Variants in PRH1 observed in about 807,000 individuals in gnomAD.
PRH1 encodes the protein proline rich protein HaeIII subfamily 1, also known as salivary acidic proline-rich phosphoprotein 1/2.
In PRH1, 7 loss-of-function variants were observed where a neutral mutation model predicts 7.9. That is an observed-to-expected ratio of 0.89 (90% CI 0.50 to 1.67). The LOEUF (loss-of-function observed/expected upper bound fraction) is 1.67, where lower values mean the gene tolerates loss of function less well. Ranked by LOEUF, PRH1 falls within the 40% of genes most tolerant of loss-of-function variation. PRH1 has a pLI of 0.00. For synonymous variants in PRH1, 45 were observed against 80.8 expected, an observed-to-expected ratio of 0.56 and a Z score of 2.38; for missense variants, 109 against 223.6, an observed-to-expected ratio of 0.49 and a Z score of 3.27.
intron 2 of PRH1, chr12:10,939,276 G>T: frequency 2.3e-6 from 2 of 875,278 alleles, no homozygotes; most frequent in Non-Finnish European, 3.5e-6. Flanking sequence ...CATCTAAAAT[G>T]CTATGTATAT....
intron 1 of PRH1, among the ~76,000 whole-genome samples, chr12:11,011,293 C>T (rs1328382436): frequency 6.6e-6 from 1 of 152,018 alleles, no homozygotes; most frequent in South Asian, 2.1e-4. Flanking sequence ...TTTCCTTTTA[C>T]ATTCTCTGAC....
At chr12:11,041,288 C>CAAAAAAAAAAAAAA (rs67144212) in intron 1 of PRH1, among the ~76,000 whole-genome samples, 1 of 81,388 alleles carries the variant, frequency 1.2e-5, no homozygotes, top group Non-Finnish European at 2.3e-5. Context: ...CAATGCAAAC[C>CAAAAAAAAAAAAAA]AAAAAAAAAA....
chr12:10,927,806 A>C (rs1160548598), intron 2 of PRH1, among the ~76,000 whole-genome samples: 1 of 152,190 alleles, frequency 6.6e-6, no homozygotes, highest in Non-Finnish European at 1.5e-5. Context: ...AAAAGTGAAA[A>C]ATTACACAAG....
chr12:10,924,113 G>A (rs149402651), intron 2 of PRH1, among the ~76,000 whole-genome samples: 2,282 of 138,292 alleles, frequency 0.017, 19 homozygotes, highest in South Asian at 0.037. Flanking sequence ...TCAGCCTCCC[G>A]AGTAGCTGGG....
chr12:10,909,193 C>T (rs1455053716), intron 2 of PRH1: 4 of 1,613,772 alleles, frequency 2.5e-6, no homozygotes, highest in Non-Finnish European at 3.4e-6. Context: ...CTTTTACTGA[C>T]CCAGTCAATG....
chr12:11,046,516 T>G (rs1288745809), intron 1 of PRH1, among the ~76,000 whole-genome samples: 1 of 152,098 alleles, frequency 6.6e-6, no homozygotes, highest in Non-Finnish European at 1.5e-5. Context: ...GTCTACAGTT[T>G]TCTTCTGACG....
rs1251506657 is a variant in PRH1, at chr12:10,975,265, T to C, written c.-125-1544A>G. Among the ~76,000 whole-genome samples, 4 of 152,354 alleles carry C rather than the reference T, an allele frequency of 2.6e-5. No homozygotes were observed. In the East Asian group the frequency reaches 5.8e-4, roughly 22 times the overall value. ...AACAGAAAGAGAATGGGGGCTTACA[T>C]TCAGCAGTTTTGTTTTTTAAAAAGA... is the stretch of plus-strand genomic sequence containing the variant. On this transcript the variant is annotated intron_variant, in intron 1 of 3. Transcript: ENST00000539853.
chr12:11,075,309 A>G (rs1223292329), intron 1 of PRH1, among the ~76,000 whole-genome samples: 1 of 139,248 alleles, frequency 7.2e-6, no homozygotes, highest in African/African-American at 2.6e-5. Flanking sequence ...ATCATAATAC[A>G]AATATATCAT....
At chr12:11,144,835 A>G (rs1946816880) in intron 1 of PRH1, among the ~76,000 whole-genome samples, 1 of 152,196 alleles carries the variant, frequency 6.6e-6, no homozygotes, top group South Asian at 2.1e-4. Flanking sequence ...AGGTAAAGCC[A>G]GAAACTTCTC....
At chr12:11,043,902 A>G (rs1225241416) in intron 1 of PRH1, among the ~76,000 whole-genome samples, 2 of 152,188 alleles carry the variant, frequency 1.3e-5, no homozygotes, top group Admixed American at 6.5e-5. Flanking sequence ...ATTCCTATCA[A>G]AATACTAAAA....
chr12:11,016,030 C>G (rs1366970523), intron 1 of PRH1, among the ~76,000 whole-genome samples: 1 of 152,206 alleles, frequency 6.6e-6, no homozygotes, highest in Non-Finnish European at 1.5e-5. Context: ...TGTTTACCTC[C>G]AGGAAATGGA....
downstream of PRH1, among the ~76,000 whole-genome samples, chr12:11,120,261 T>C (rs1945856053): frequency 6.6e-6 from 1 of 152,216 alleles, no homozygotes; most frequent in Admixed American, 6.5e-5. Context: ...TTGTTGCTAT[T>C]TCTGTCCTCA....
chr12:11,149,090 T>C (rs9697540), intron 1 of PRH1, among the ~76,000 whole-genome samples: 33,728 of 150,694 alleles, frequency 0.22, 3,667 homozygotes, highest in Non-Finnish European at 0.23. Context: ...GTTTGTAGTA[T>C]TCTCTGATGG....
intron 2 of PRH1, among the ~76,000 whole-genome samples, chr12:10,921,636 T>C (rs1278205427): frequency 6.6e-6 from 1 of 152,222 alleles, no homozygotes; most frequent in Non-Finnish European, 1.5e-5. Flanking sequence ...TTCATTCATT[T>C]ATTTATTTAC....
chr12:10,922,092 CA>C (rs1197296275), intron 2 of PRH1, among the ~76,000 whole-genome samples: 1 of 152,068 alleles, frequency 6.6e-6, no homozygotes, highest in African/African-American at 2.4e-5. Context: ...CTTTAAAAAC[CA>C]AAGGGAATGA....
chr12:11,069,276 G>A (rs1383293190), intron 1 of PRH1, among the ~76,000 whole-genome samples: 2 of 152,052 alleles, frequency 1.3e-5, no homozygotes, highest in Non-Finnish European at 2.9e-5. Flanking sequence ...TACATAATGT[G>A]CTATATGCCA....
At chr12:11,103,019 A>G (rs1362532222) in intron 1 of PRH1, among the ~76,000 whole-genome samples, 2 of 152,144 alleles carry the variant, frequency 1.3e-5, no homozygotes, top group Non-Finnish European at 2.9e-5. Context: ...TTAGAATGGC[A>G]ATCATTAAAA....
chr12:10,911,978 T>A (rs1056752093), intron 2 of PRH1, among the ~76,000 whole-genome samples: 1 of 152,194 alleles, frequency 6.6e-6, no homozygotes. Context: ...TGAATATGTA[T>A]CCCTAAGCAC....
intron 1 of PRH1, among the ~76,000 whole-genome samples, chr12:11,115,074 G>A (rs2597945): frequency 0.46 from 69,185 of 151,908 alleles, 16,560 homozygotes; most frequent in Non-Finnish European, 0.53. Flanking sequence ...ATGTAAATGG[G>A]CTAAACTCTC....
Sources: gnomAD v4.1 joint callset for allele counts (sites outside exome capture counted in the v4.1 genomes callset) on GRCh38, gnomAD v4.1.1 for gene constraint, MANE v1.5 for transcripts, NCBI Gene and HGNC (gene_info 2026-07-23, HGNC 2026-07-21) for gene names.